The following CLCN3 variants were observed in gnomAD, a reference collection of about 807,000 sequenced individuals.
The protein encoded by CLCN3 is Cl-/H+ antiporter 3, also known as H(+)/Cl(-) exchange transporter 3.
In CLCN3, 16 loss-of-function variants were observed where a neutral mutation model predicts 83.4. The ratio of observed to expected loss-of-function variants is 0.19; its 90% confidence interval spans 0.13 to 0.29. The LOEUF (loss-of-function observed/expected upper bound fraction) is 0.29. CLCN3 is among the 10% of genes least tolerant of loss of function. The probability of loss-of-function intolerance (pLI) is 1.00; values close to 1 mark genes in which losing one functional copy is unlikely to be tolerated. For synonymous variants in CLCN3, 322 were observed against 346.2 expected (o/e 0.93, Z 0.78); for missense variants, 544 against 1,006.0 (o/e 0.54, Z 6.21).
intron 8 of CLCN3, among the ~76,000 whole-genome samples, chr4:169,696,427 A>T (rs1732566361): frequency 1.3e-5 from 2 of 152,096 alleles, no homozygotes; most frequent in Admixed American, 1.3e-4. Context: ...TTTTTTTGAC[A>T]AATAATAATT....
rs377531867 is a variant in CLCN3, at chr4:169,636,099, C to G, written c.160+11C>G. The G allele has an allele frequency of 3.5e-5, 57 of 1,605,716 alleles. No homozygotes were observed. Among genetic ancestry groups the G allele is most frequent in the Non-Finnish European group, 4.8e-5 (56 of 1,175,304 alleles). ...GTGACACTGCAGTTGGTAAGTTCAG[C>G]ATGACAGCCTAATGTTTGTATTCAT... is the stretch of plus-strand genomic sequence containing the variant. On this transcript the variant is annotated intron_variant, in intron 2 of 12. Transcript: ENST00000513761.
intron 1 of CLCN3, among the ~76,000 whole-genome samples, chr4:169,628,741 G>A (rs1182567266): frequency 6.6e-6 from 1 of 152,182 alleles, no homozygotes; most frequent in East Asian, 1.9e-4. Flanking sequence ...CAATTTGGCA[G>A]TTTCTTTAAA....
chr4:169,669,865 G>A (rs1435989434), intron 2 of CLCN3, among the ~76,000 whole-genome samples: 1 of 152,092 alleles, frequency 6.6e-6, no homozygotes, highest in African/African-American at 2.4e-5. Flanking sequence ...CAAAAGTTTT[G>A]ACTGTTATTA....
At position 169,706,956 on chromosome 4, in the gene CLCN3, A is replaced by C. The variant is rs775103981; in HGVS notation, c.1839A>C (p.Ala613=). 6.2e-7 allele frequency: 1 copy of C among 1,614,168 alleles called. No homozygotes were observed. The highest frequency in any genetic ancestry group is 8.5e-7 in the Non-Finnish European group (1 of 1,180,006). Residue 613 remains alanine (A), a synonymous_variant, in exon 11 of 13, where the codon GCA becomes GCC. Coordinates refer to ENST00000513761, the MANE Select transcript of CLCN3 (RefSeq NM_001829.4). ...GLEYIVPLMA[A]VMTSKWVGDA... is the part of the protein sequence containing the mutation. ...AATATATTGTTCCCCTTATGGCTGC[A>C]GTCATGACCAGTAAATGGGTTGGAG...
chr4:169,653,129 A>C (rs1730773936), intron 2 of CLCN3, among the ~76,000 whole-genome samples: 1 of 152,150 alleles, frequency 6.6e-6, no homozygotes, highest in Non-Finnish European at 1.5e-5. Flanking sequence ...TTTGTGTCTT[A>C]ATTTTAAAAA....
intron 1 of CLCN3, among the ~76,000 whole-genome samples, chr4:169,627,642 G>A (rs1460444548): frequency 2.6e-5 from 4 of 152,094 alleles, no homozygotes; most frequent in African/African-American, 9.7e-5. Flanking sequence ...CCTGTAAACT[G>A]AGATAGGAAA....
intron 11 of CLCN3, among the ~76,000 whole-genome samples, chr4:169,711,082 T>C (rs1733193809): frequency 6.6e-6 from 1 of 152,232 alleles, no homozygotes; most frequent in Non-Finnish European, 1.5e-5. Flanking sequence ...TAGAGCGTTA[T>C]GAATTTGACT....
intron 1 of CLCN3, among the ~76,000 whole-genome samples, chr4:169,634,024 T>C (rs1428347334): frequency 2.6e-5 from 4 of 152,084 alleles, no homozygotes; most frequent in African/African-American, 9.7e-5. Context: ...GTTTAATTGG[T>C]TTATTTGGAG....
chr4:169,660,228 G>T (rs1432454421), intron 2 of CLCN3: 1 of 1,210,914 alleles, frequency 8.3e-7, no homozygotes, highest in Non-Finnish European at 1.0e-6. Flanking sequence ...AGTTGCTTCA[G>T]CGAGTCGAAC....
chr4:169,684,420 G>T lies in CLCN3; in HGVS notation c.319-3238G>T, dbSNP rs372922186. On this transcript the variant is annotated intron_variant, in intron 3 of 12. Transcript: ENST00000513761. The stretch of plus-strand genomic sequence containing the variant: ...TTTTCTGTGTCTTCATGGACTCATG[G>T]ATTTAAGTATATTTGTGGTTTAATC... 2.6e-4 allele frequency among the ~76,000 whole-genome samples: 39 copies of T among 152,198 alleles called. No individual in the cohort carries two copies. In the East Asian group the frequency reaches 4.6e-3, roughly 18 times the overall value.
intron 2 of CLCN3, among the ~76,000 whole-genome samples, chr4:169,654,467 A>T (rs1485297516): frequency 3.3e-5 from 5 of 151,756 alleles, no homozygotes; most frequent in Non-Finnish European, 7.4e-5. Flanking sequence ...CTTGAACTGG[A>T]TGGTTAGCTC....
At chr4:169,696,404 A>T (rs1446206332) in intron 8 of CLCN3, among the ~76,000 whole-genome samples, 3 of 151,616 alleles carry the variant, frequency 2.0e-5, no homozygotes, top group African/African-American at 4.8e-5. Context: ...GTAACCAGGA[A>T]TTTTTTTTTA....
chr4:169,704,297 T>C, intron 10 of CLCN3, 113 bp downstream of exon 10: 1 of 883,046 alleles, frequency 1.1e-6, no homozygotes, highest in Non-Finnish European at 1.8e-6. Flanking sequence ...TAAAGGAGGG[T>C]GCCAGGAGGA....
chr4:169,700,509 G>T (rs1016917772), intron 9 of CLCN3, among the ~76,000 whole-genome samples: 6 of 152,082 alleles, frequency 3.9e-5, no homozygotes, highest in African/African-American at 1.4e-4. Flanking sequence ...CCTTTGGGAG[G>T]CCTTGGCCTC....
intron 2 of CLCN3, among the ~76,000 whole-genome samples, chr4:169,657,070 C>A (rs1730909607): frequency 6.6e-6 from 1 of 152,036 alleles, no homozygotes; most frequent in Non-Finnish European, 1.5e-5. Flanking sequence ...CAATTCATAG[C>A]CAATTTTGTT....
At chr4:169,655,406 G>A (rs994391977) in intron 2 of CLCN3, among the ~76,000 whole-genome samples, 3 of 152,132 alleles carry the variant, frequency 2.0e-5, no homozygotes, top group Non-Finnish European at 4.4e-5. Context: ...CTGAATATTT[G>A]AGAAACTCCT....
At chr4:169,690,365 C>T (rs1468157750) in intron 5 of CLCN3, among the ~76,000 whole-genome samples, 165 bp from the exon 6 acceptor site, 2 of 152,076 alleles carry the variant, frequency 1.3e-5, no homozygotes, top group East Asian at 1.9e-4. Flanking sequence ...AAGCTAGTCT[C>T]GAACTCCTGA....
intron 3 of CLCN3, among the ~76,000 whole-genome samples, chr4:169,684,259 T>C (rs1732064848): frequency 6.6e-6 from 1 of 152,206 alleles, no homozygotes; most frequent in African/African-American, 2.4e-5. Flanking sequence ...CATATTTCTA[T>C]AGAGAGTTTA....
At chr4:169,667,913 T>G (rs766466323) in intron 2 of CLCN3, among the ~76,000 whole-genome samples, 13 of 151,160 alleles carry the variant, frequency 8.6e-5, no homozygotes, top group Admixed American at 2.0e-4. Flanking sequence ...GCCCGCCTGA[T>G]TTTTTTTAGT....
Sources: allele counts gnomAD v4.1 joint callset (sites outside exome capture counted in the v4.1 genomes callset), GRCh38; gene constraint gnomAD v4.1.1; transcripts MANE v1.5; gene names NCBI Gene and HGNC (gene_info 2026-07-23, HGNC 2026-07-21).